The following TMEM150C variants were observed in gnomAD, a reference collection of about 807,000 sequenced individuals.
TMEM150C encodes transmembrane protein 150C.
A neutral mutation model predicts 29.9 loss-of-function variants in TMEM150C; 10 were observed. The ratio of observed to expected loss-of-function variants is 0.33; its 90% CI spans 0.21 to 0.57. TMEM150C has a LOEUF of 0.57. Among genes scored for constraint, TMEM150C ranks in the 20% least tolerant of loss-of-function variants. The pLI, the probability that TMEM150C is intolerant of heterozygous loss-of-function variation, is 0.88. For synonymous variants in TMEM150C, 101 were observed against 112.5 expected (o/e 0.90, Z 0.64); for missense variants, 251 against 303.6 (o/e 0.83, Z 1.29).
At chr4:82,556,323 T>A (rs1269758039) in intron 1 of TMEM150C, among the ~76,000 whole-genome samples, 2 of 152,208 alleles carry the variant, frequency 1.3e-5, no homozygotes, top group South Asian at 2.1e-4. Flanking sequence ...TGTGGCCTGG[T>A]ACTTGTTATA....
intron 1 of TMEM150C, among the ~76,000 whole-genome samples, chr4:82,556,110 G>C (rs762438289): frequency 2.6e-5 from 4 of 151,798 alleles, no homozygotes; most frequent in South Asian, 2.1e-4. Flanking sequence ...TTTCTTGGAG[G>C]GGGGATTACA....
intron 7 of TMEM150C, among the ~76,000 whole-genome samples, chr4:82,486,216 A>C (rs887785158): frequency 6.6e-6 from 1 of 151,852 alleles, no homozygotes; most frequent in African/African-American, 2.4e-5. Flanking sequence ...AAAGGATTAC[A>C]CTTCCAAAGT....
chr4:82,485,822 A>T (rs575263435), intron 7 of TMEM150C, 103 bp from the exon 8 acceptor site: 1 of 1,005,348 alleles, frequency 9.9e-7, no homozygotes, highest in South Asian at 1.7e-5. Context: ...TTTCCTCATC[A>T]CTAGAAAAAC....
intron 1 of TMEM150C, among the ~76,000 whole-genome samples, chr4:82,510,126 A>G (rs994564813): frequency 1.3e-5 from 2 of 151,876 alleles, no homozygotes; most frequent in Non-Finnish European, 2.9e-5. Flanking sequence ...AAAAATAAAA[A>G]AAATTAGCCG....
chr4:82,519,813 T>G (rs1560489667), intron 1 of TMEM150C, among the ~76,000 whole-genome samples: 1 of 152,088 alleles, frequency 6.6e-6, no homozygotes, highest in African/African-American at 2.4e-5. Flanking sequence ...AATAATAAAA[T>G]AAAAAAATAG....
chr4:82,561,854 C>A (rs1725948015), intron 1 of TMEM150C, 52 bp downstream of exon 1: 17 of 979,132 alleles, frequency 1.7e-5, no homozygotes, highest in Non-Finnish European at 1.8e-5. Context: ...CCGGGCCGGA[C>A]GCCCCCTGGC....
intron 1 of TMEM150C, among the ~76,000 whole-genome samples, chr4:82,529,170 C>T (rs1724752383): frequency 6.6e-6 from 1 of 151,966 alleles, no homozygotes; most frequent in Non-Finnish European, 1.5e-5. Context: ...AAAGGGGATG[C>T]TGCCAAGGAA....
At chr4:82,551,135 T>C (rs1471213178) in intron 1 of TMEM150C, among the ~76,000 whole-genome samples, 4 of 151,302 alleles carry the variant, frequency 2.6e-5, no homozygotes, top group African/African-American at 7.3e-5. Flanking sequence ...TAAACAGGAG[T>C]GACTGGGAAT....
intron 1 of TMEM150C, among the ~76,000 whole-genome samples, chr4:82,561,581 G>T (rs1349104997): frequency 6.7e-6 from 1 of 150,212 alleles, no homozygotes; most frequent in Non-Finnish European, 1.5e-5. Flanking sequence ...CGCAGCGGGC[G>T]GGCTGGCTGG....
rs144825048 is a variant in TMEM150C at position 82,556,130 on chromosome 4, C to T, written c.-11+5776G>A. Among the ~76,000 whole-genome samples the T allele has an allele frequency of 1.6e-3, 239 of 151,752 alleles. 1 individual carries two copies. The highest frequency in any genetic ancestry group is 5.7e-3 in the African/African-American group (234 of 41,394). ...TGGAGGGGGGATTACAGGCACACAT[C>T]ACCACACCCGGCTAATTTTGTATTT... is the stretch of plus-strand genomic sequence containing the variant. On this transcript the variant is annotated intron_variant, in intron 1 of 7. Coordinates refer to ENST00000449862, the MANE Select transcript of TMEM150C (RefSeq NM_001080506.3).
chr4:82,518,775 T>C (rs1360161357), intron 1 of TMEM150C, among the ~76,000 whole-genome samples: 3 of 152,192 alleles, frequency 2.0e-5, no homozygotes, highest in African/African-American at 4.8e-5. Context: ...CTTCCCAGGA[T>C]TGGAACCTGA....
intron 1 of TMEM150C, among the ~76,000 whole-genome samples, chr4:82,548,301 A>G (rs768931514): frequency 9.2e-5 from 14 of 152,214 alleles, no homozygotes; most frequent in Non-Finnish European, 1.8e-4. Context: ...TTTAGGTAAC[A>G]AACTTGGACA....
intron 1 of TMEM150C, among the ~76,000 whole-genome samples, chr4:82,553,753 CA>C (rs1725655259): frequency 6.6e-6 from 1 of 152,164 alleles, no homozygotes; most frequent in Non-Finnish European, 1.5e-5. Flanking sequence ...TGTAAGTGAA[CA>C]CTGATTTGGG....
At chr4:82,547,718 G>T (rs115178361) in intron 1 of TMEM150C, among the ~76,000 whole-genome samples, 1,616 of 152,328 alleles carry the variant, frequency 0.011, 27 homozygotes, top group African/African-American at 0.036. Flanking sequence ...TGTTGGCAAG[G>T]CTGCAGAGAA....
At chr4:82,520,355 C>A (rs1049524718) in intron 1 of TMEM150C, among the ~76,000 whole-genome samples, 3 of 152,200 alleles carry the variant, frequency 2.0e-5, no homozygotes, top group Non-Finnish European at 4.4e-5. Flanking sequence ...TCCTCCCAGT[C>A]TTGCTCCCCA....
chr4:82,551,215 T>A (rs1201729336), intron 1 of TMEM150C, among the ~76,000 whole-genome samples: 1 of 152,158 alleles, frequency 6.6e-6, no homozygotes, highest in African/African-American at 2.4e-5. Context: ...TTGTAGTTCT[T>A]AGAAAACATT....
At chr4:82,541,705 T>C (rs919560513) in intron 1 of TMEM150C, among the ~76,000 whole-genome samples, 3 of 152,200 alleles carry the variant, frequency 2.0e-5, no homozygotes, top group African/African-American at 7.2e-5. Context: ...ATTCCCACTA[T>C]GTACTTAAAT....
intron 1 of TMEM150C, among the ~76,000 whole-genome samples, chr4:82,549,457 TA>T (rs1432526688): frequency 6.6e-6 from 1 of 152,144 alleles, no homozygotes; most frequent in South Asian, 2.1e-4. Flanking sequence ...TGTCAGGGGC[TA>T]GGGGTAGGAG....
At chr4:82,496,688 G>T (rs1043676447) in intron 5 of TMEM150C, among the ~76,000 whole-genome samples, 6 of 152,192 alleles carry the variant, frequency 3.9e-5, no homozygotes, top group Non-Finnish European at 8.8e-5. Context: ...TAATGATAGG[G>T]CAGGAACATA....
Sources: allele counts gnomAD v4.1 joint callset (sites outside exome capture counted in the v4.1 genomes callset), GRCh38; gene constraint gnomAD v4.1.1; transcripts MANE v1.5; gene names NCBI Gene and HGNC (gene_info 2026-07-23, HGNC 2026-07-21).